Variants in CREBBP observed in about 807,000 individuals in gnomAD.
CREBBP encodes the protein CREB-binding protein.
Under a neutral mutation model 265.0 loss-of-function variants are expected in CREBBP, and 19 were observed. The ratio of observed to expected loss-of-function variants is 0.07; its 90% CI spans 0.05 to 0.11. CREBBP has a LOEUF of 0.11. CREBBP is among the 10% of genes least tolerant of loss of function. The pLI, the probability that CREBBP is intolerant of heterozygous loss-of-function variation, is 1.00. For missense variants in CREBBP, 2,525 were observed against 3,219.0 expected, an observed-to-expected ratio of 0.78 and a Z score of 5.22; for synonymous variants, 1,457 against 1,223.7, an observed-to-expected ratio of 1.19 and a Z score of -3.98.
chr16:3,758,378 CA>C (rs1314523978), intron 17 of CREBBP, among the ~76,000 whole-genome samples: 5 of 152,246 alleles, frequency 3.3e-5, no homozygotes, highest in Admixed American at 6.5e-5. Context: ...GTTTATCAAA[CA>C]GTGTGTATTT....
At chr16:3,749,835 T>A in intron 20 of CREBBP, 152 bp from the exon 21 acceptor site, 1 of 608,994 alleles carries the variant, frequency 1.6e-6, no homozygotes, top group Non-Finnish European at 2.9e-6. Flanking sequence ...AATAACGGAA[T>A]GAACAGAAAA....
At chr16:3,776,554 G>A (rs370309941) in intron 11 of CREBBP, among the ~76,000 whole-genome samples, 8 of 152,106 alleles carry the variant, frequency 5.3e-5, no homozygotes, top group African/African-American at 1.7e-4. Context: ...AGAGCAGCCC[G>A]TGCCGTCCCC....
chr16:3,837,698 T>A (rs1309236925), intron 2 of CREBBP, among the ~76,000 whole-genome samples: 1 of 151,656 alleles, frequency 6.6e-6, no homozygotes, highest in Non-Finnish European at 1.5e-5. Context: ...CAAATACGTT[T>A]GTACACCTGT....
At chr16:3,826,357 C>G (rs1366627606) in intron 2 of CREBBP, among the ~76,000 whole-genome samples, 12 of 152,080 alleles carry the variant, frequency 7.9e-5, no homozygotes, top group Admixed American at 7.9e-4. Flanking sequence ...GACACTTTGC[C>G]TAAAGAAGGT....
At chr16:3,806,650 C>G (rs543006149) in intron 3 of CREBBP, among the ~76,000 whole-genome samples, 16 of 152,258 alleles carry the variant, frequency 1.1e-4, no homozygotes, top group Admixed American at 7.2e-4. Flanking sequence ...CACCAAGAAT[C>G]AGGTGGGTTC....
rs2151310459 is a variant in CREBBP, at chr16:3,729,566, G to A, written c.5481C>T (p.Cys1827=). ...TTTCTTGGCAGTGCTTGGCGTGGTA[G>A]CAGCAGAGGGCGATGAGCTGCTTGC... is the stretch of plus-strand genomic sequence containing the variant. ...PVCKQLIALC[C]YHAKHCQENK... The change falls in exon 31 of 31, where the codon TGC becomes TGT. Residue 1827 remains cysteine, a synonymous_variant. Coordinates refer to ENST00000262367, the MANE Select transcript of CREBBP (RefSeq NM_004380.3). 6.2e-7 allele frequency: 1 copy of A among 1,614,198 alleles called. No individual in the cohort carries two copies. The highest frequency in any genetic ancestry group is 8.5e-7 in the Non-Finnish European group (1 of 1,180,022).
At chr16:3,781,866 ACT>A (rs1183529814) in intron 6 of CREBBP, among the ~76,000 whole-genome samples, 6 of 152,228 alleles carry the variant, frequency 3.9e-5, no homozygotes, top group Admixed American at 2.6e-4. Flanking sequence ...CAGGATTCTA[ACT>A]CAGTCTCCTG....
chr16:3,729,643 C>T lies in CREBBP; in HGVS notation c.5404G>A (p.Val1802Met), dbSNP rs2151311078. ...CGTTTGCAGCCCTTGGTGTGCTGCACCACCCGCTTCATCTTCTGGCAGGAT... is the reference window on the plus strand; with the variant it reads ...CGTTTGCAGCCCTTGGTGTGCTGCATCACCCGCTTCATCTTCTGGCAGGAT... ...LPSCQKMKRV[V>M]QHTKGCKRKT... is the part of the protein sequence containing the mutation. Residue 1802 changes from valine (V) to methionine (M), a missense_variant, in exon 31 of 31, where the codon GTG (valine) becomes ATG (methionine). Val to Met is a conservative substitution (Grantham distance 21). Transcript: ENST00000262367. 6.2e-7 allele frequency: 1 copy of T among 1,614,044 alleles called. No homozygotes were observed.
chr16:3,837,909 C>G (rs1046289530), intron 2 of CREBBP, among the ~76,000 whole-genome samples: 1 of 152,142 alleles, frequency 6.6e-6, no homozygotes, highest in African/African-American at 2.4e-5. Context: ...CTGTCACATT[C>G]ACTCACCACT....
chr16:3,820,016 C>A (rs1381892226), intron 2 of CREBBP, among the ~76,000 whole-genome samples: 1 of 152,068 alleles, frequency 6.6e-6, no homozygotes, highest in Non-Finnish European at 1.5e-5. Context: ...ACATGTAAAA[C>A]CACAAATTCA....
intron 2 of CREBBP, among the ~76,000 whole-genome samples, chr16:3,843,176 C>T (rs990229629): frequency 1.3e-5 from 2 of 152,126 alleles, no homozygotes; most frequent in African/African-American, 4.8e-5. Context: ...AGGCCTCTGG[C>T]CAGACCGTGT....
chr16:3,746,378 C>A (rs545081634), intron 21 of CREBBP, among the ~76,000 whole-genome samples: 1 of 151,998 alleles, frequency 6.6e-6, no homozygotes, highest in African/African-American at 2.4e-5. Flanking sequence ...ACACAAATGG[C>A]GGCACCCGTT....
intron 16 of CREBBP, among the ~76,000 whole-genome samples, chr16:3,765,678 C>T (rs2052834105): frequency 6.6e-6 from 1 of 152,130 alleles, no homozygotes; most frequent in South Asian, 2.1e-4. Flanking sequence ...GACAGGGCCT[C>T]ACTCTGTCAC....
intron 3 of CREBBP, among the ~76,000 whole-genome samples, chr16:3,805,432 C>A (rs1252312994): frequency 6.6e-6 from 1 of 152,186 alleles, no homozygotes; most frequent in Non-Finnish European, 1.5e-5. Flanking sequence ...AGGTATTAGA[C>A]AAGCAGTGAT....
At chr16:3,815,974 A>G (rs966768128) in intron 2 of CREBBP, among the ~76,000 whole-genome samples, 1 of 152,180 alleles carries the variant, frequency 6.6e-6, no homozygotes, top group Non-Finnish European at 1.5e-5. Context: ...TGTTCAGTTA[A>G]TAGTAAAATT....
intron 28 of CREBBP, among the ~76,000 whole-genome samples, chr16:3,733,139 G>A (rs1410485329): frequency 1.3e-5 from 2 of 152,002 alleles, no homozygotes; most frequent in Admixed American, 6.5e-5. Context: ...AAGGCAGGCG[G>A]ATCTCGAGGT....
intron 9 of CREBBP, among the ~76,000 whole-genome samples, 197 bp downstream of exon 9, chr16:3,778,503 G>C (rs1341391378): frequency 6.6e-6 from 1 of 152,140 alleles, no homozygotes; most frequent in Non-Finnish European, 1.5e-5. Flanking sequence ...TATACTCCAT[G>C]CACCAATGTA....
intron 1 of CREBBP, among the ~76,000 whole-genome samples, chr16:3,865,559 G>A (rs758953497): frequency 1.1e-3 from 160 of 152,224 alleles, no homozygotes; most frequent in Non-Finnish European, 2.1e-3. Flanking sequence ...GCTAGGTGGA[G>A]GGAGGCTCTC....
intron 2 of CREBBP, among the ~76,000 whole-genome samples, chr16:3,835,194 TC>T (rs1338546400): frequency 6.6e-6 from 1 of 151,686 alleles, no homozygotes; most frequent in East Asian, 1.9e-4. Context: ...AAAAAGCTTT[TC>T]TTAAAAAACA....
Sources: allele counts gnomAD v4.1 joint callset (sites outside exome capture counted in the v4.1 genomes callset), GRCh38; gene constraint gnomAD v4.1.1; transcripts MANE v1.5; gene names NCBI Gene and HGNC (gene_info 2026-07-23, HGNC 2026-07-21).